NBEA: variants seen among roughly 807,000 people sequenced by gnomAD.
NBEA encodes lysosomal-trafficking regulator 2.
A neutral mutation model predicts 343.4 loss-of-function variants in NBEA; 44 were observed. The observed-to-expected ratio is 0.13, with a 90% confidence interval of 0.10 to 0.16. NBEA has a LOEUF of 0.16. NBEA is among the 10% of genes least tolerant of loss of function. The probability of loss-of-function intolerance (pLI) is 1.00; values close to 1 mark genes in which losing one functional copy is unlikely to be tolerated. For synonymous variants in NBEA, 1,175 were observed against 1,238.7 expected (o/e 0.95, Z 1.08); for missense variants, 2,555 against 3,631.3 (o/e 0.70, Z 7.62).
intron 45 of NBEA, among the ~76,000 whole-genome samples, chr13:35,574,410 C>G (rs200941460): frequency 2.2e-4 from 32 of 143,106 alleles, no homozygotes; most frequent in South Asian, 6.6e-4. Flanking sequence ...AGAAAAAAAA[C>G]AAGGAAAGAA....
intron 1 of NBEA, among the ~76,000 whole-genome samples, chr13:35,007,066 G>C (rs1198161459): frequency 2.3e-5 from 2 of 88,418 alleles, no homozygotes; most frequent in Admixed American, 2.7e-4. Context: ...CTTTTCCTCT[G>C]ATGTGTGTAG....
intron 14 of NBEA, among the ~76,000 whole-genome samples, 175 bp from the exon 15 acceptor site, chr13:35,118,049 ATATT>A (rs2066595395): frequency 6.6e-6 from 1 of 152,038 alleles, no homozygotes; most frequent in African/African-American, 2.4e-5. Flanking sequence ...AATTTTCTAA[ATATT>A]TACTTAACTT....
chr13:35,271,235 C>T (rs901823940), intron 34 of NBEA, among the ~76,000 whole-genome samples: 59 of 152,306 alleles, frequency 3.9e-4, no homozygotes, highest in African/African-American at 1.2e-3. Context: ...GGACGTCCAG[C>T]GAATTCCAAC....
chr13:35,124,697 T>G (rs778701573), intron 17 of NBEA, among the ~76,000 whole-genome samples: 2 of 151,460 alleles, frequency 1.3e-5, no homozygotes, highest in Non-Finnish European at 2.9e-5. Flanking sequence ...TGGATATATA[T>G]ACACACATAT....
intron 33 of NBEA, among the ~76,000 whole-genome samples, chr13:35,228,003 G>C (rs879716422): frequency 6.6e-6 from 1 of 151,462 alleles, no homozygotes; most frequent in Non-Finnish European, 1.5e-5. Flanking sequence ...AATTACCATG[G>C]CTTTGGATAT....
chr13:35,342,103 A>T (rs771053352), intron 36 of NBEA, among the ~76,000 whole-genome samples: 4 of 152,108 alleles, frequency 2.6e-5, no homozygotes, highest in African/African-American at 4.8e-5. Context: ...GAAAGAAGCC[A>T]GACACATATT....
intron 34 of NBEA, among the ~76,000 whole-genome samples, chr13:35,252,419 T>A (rs1201267160): frequency 6.6e-6 from 1 of 152,114 alleles, no homozygotes; most frequent in African/African-American, 2.4e-5. Context: ...CCTAACCATA[T>A]CAACTCCCCT....
intron 1 of NBEA, among the ~76,000 whole-genome samples, chr13:35,010,742 AT>A (rs1428319863): frequency 0.52 from 43,432 of 83,234 alleles, 14,312 homozygotes; most frequent in East Asian, 0.7. Context: ...AAAAAAAAAA[AT>A]ATATATATAT....
chr13:35,257,090 A>G (rs944806682), intron 34 of NBEA, among the ~76,000 whole-genome samples: 3 of 152,190 alleles, frequency 2.0e-5, no homozygotes, highest in African/African-American at 7.2e-5. Flanking sequence ...TGCTGCCATC[A>G]ATGTCACTTT....
chr13:35,029,960 A>T (rs1228755414), intron 1 of NBEA, among the ~76,000 whole-genome samples: 1 of 151,676 alleles, frequency 6.6e-6, no homozygotes, highest in Non-Finnish European at 1.5e-5. Flanking sequence ...AGTACCTTTT[A>T]GAATTTTTTG....
intron 1 of NBEA, among the ~76,000 whole-genome samples, chr13:34,966,012 A>G (rs555037711): frequency 6.6e-6 from 1 of 152,190 alleles, no homozygotes; most frequent in South Asian, 2.1e-4. Context: ...GGTATACATC[A>G]ATTATGAGTT....
intron 11 of NBEA, among the ~76,000 whole-genome samples, chr13:35,104,082 T>G (rs772223389): frequency 6.6e-6 from 1 of 151,854 alleles, no homozygotes; most frequent in Non-Finnish European, 1.5e-5. Flanking sequence ...TAGGCAAAGG[T>G]CTTTTTGCCT....
chr13:35,318,058 T>A (rs1230901653), intron 36 of NBEA, among the ~76,000 whole-genome samples: 2 of 152,184 alleles, frequency 1.3e-5, no homozygotes, highest in Admixed American at 6.5e-5. Flanking sequence ...AGAAACGATT[T>A]GACTTTCTCT....
At chr13:35,316,935 C>T (rs1319728769) in intron 36 of NBEA, among the ~76,000 whole-genome samples, 7 of 152,056 alleles carry the variant, frequency 4.6e-5, no homozygotes, top group Non-Finnish European at 8.8e-5. Flanking sequence ...TCATATCCTT[C>T]GCCCTCTTTT....
At position 35,159,680 on chromosome 13, in the gene NBEA, A is replaced by G. The variant is rs1335465531; in HGVS notation, c.3509A>G (p.Asn1170Ser). Residue 1170 changes from asparagine to serine, a missense_variant, in exon 22 of 59, where the codon AAT (asparagine) becomes AGT (serine). This residue lies in a region of NBEA where 367 missense variants were observed against 377.5 expected (regional missense o/e 0.97). Coordinates refer to ENST00000379939, the MANE Select transcript of NBEA (RefSeq NM_001385012.1). ...PELSSNHIIP[N>S]IQDTQVHLGV... ...CTTTCTAGCAATCACATTATTCCAAATATTCAGGACACACAAGTACATCTT... is the reference window on the plus strand; with the variant it reads ...CTTTCTAGCAATCACATTATTCCAAGTATTCAGGACACACAAGTACATCTT... The G allele has an allele frequency of 3.7e-6, 6 of 1,612,470 alleles. No homozygotes were observed. Among genetic ancestry groups the G allele is most frequent in the Non-Finnish European group, 5.1e-6 (6 of 1,179,290 alleles).
chr13:35,488,874 G>T (rs559974197), intron 41 of NBEA, among the ~76,000 whole-genome samples: 41 of 151,880 alleles, frequency 2.7e-4, no homozygotes, highest in African/African-American at 9.2e-4. Context: ...TAAATACATT[G>T]TTGGAAAAAA....
At chr13:35,255,651 T>A (rs1299848839) in intron 34 of NBEA, among the ~76,000 whole-genome samples, 1 of 152,246 alleles carries the variant, frequency 6.6e-6, no homozygotes, top group Non-Finnish European at 1.5e-5. Context: ...ACCTGGAAGC[T>A]TGGAGACGCC....
intron 1 of NBEA, among the ~76,000 whole-genome samples, chr13:35,029,414 A>G (rs967131842): frequency 6.6e-6 from 1 of 151,560 alleles, no homozygotes; most frequent in East Asian, 1.9e-4. Context: ...ACCCTGTATC[A>G]TGCATAGGGA....
chr13:35,295,123 T>TATAAATATAATATTTATAATATAA (rs904529072), intron 35 of NBEA, among the ~76,000 whole-genome samples: 7 of 148,110 alleles, frequency 4.7e-5, no homozygotes, highest in Non-Finnish European at 8.9e-5. Flanking sequence ...ATATTTAATA[T>TATAAATATAATATTTATAATATAA]ATAAATATAA....
Sources: allele counts gnomAD v4.1 joint callset (sites outside exome capture counted in the v4.1 genomes callset), GRCh38; gene constraint gnomAD v4.1.1; regional missense constraint gnomAD v4.1.1; transcripts MANE v1.5; gene names NCBI Gene and HGNC (gene_info 2026-07-23, HGNC 2026-07-21).